NCF2: variants seen among roughly 807,000 people sequenced by gnomAD.
NCF2 encodes neutrophil cytosolic factor 2, also known as neutrophil cytosol factor 2.
Under a neutral mutation model 70.9 loss-of-function variants are expected in NCF2, and 45 were observed. The ratio of observed to expected loss-of-function variants is 0.63; its 90% CI spans 0.50 to 0.81. The LOEUF (loss-of-function observed/expected upper bound fraction) is 0.81, where lower values mean the gene tolerates loss of function less well. NCF2 is among the 40% of genes least tolerant of loss of function. NCF2 has a pLI of 0.00. For missense variants in NCF2, 522 were observed against 631.6 expected (o/e 0.83, Z 1.86); for synonymous variants, 203 against 233.6 (o/e 0.87, Z 1.19).
chr1:183,601,750 C>A, the NCF2 span, among the ~76,000 whole-genome samples: 1 of 151,564 alleles, frequency 6.6e-6, no homozygotes, highest in African/African-American at 2.4e-5. Flanking sequence ...CTCACCTACT[C>A]TGGAGGCTGA....
the NCF2 span, among the ~76,000 whole-genome samples, chr1:183,596,343 A>G: frequency 6.6e-6 from 1 of 151,384 alleles, no homozygotes; most frequent in South Asian, 2.1e-4. Flanking sequence ...TCATATTTGT[A>G]CCCTTTACAC....
At chr1:183,566,484 T>C (rs1230147436) in intron 9 of NCF2, among the ~76,000 whole-genome samples, 1 of 152,212 alleles carries the variant, frequency 6.6e-6, no homozygotes, top group Non-Finnish European at 1.5e-5. Context: ...GTTCAAGTGA[T>C]CCTCTCACCT....
At chr1:183,573,101 C>A (rs577230085) in intron 5 of NCF2, 84 bp downstream of exon 5, 2 of 1,241,696 alleles carry the variant, frequency 1.6e-6, no homozygotes, top group Non-Finnish European at 2.4e-6. Context: ...AAGGAGGCTA[C>A]CCTCTTCTCA....
upstream of NCF2, among the ~76,000 whole-genome samples, chr1:183,593,803 G>A (rs1038331212): frequency 3.3e-5 from 5 of 152,084 alleles, no homozygotes; most frequent in African/African-American, 7.2e-5. Context: ...CTGTCCATTC[G>A]CCTTCCTCCT....
chr1:183,579,141 G>A (rs1434523675), intron 2 of NCF2, among the ~76,000 whole-genome samples: 1 of 152,244 alleles, frequency 6.6e-6, no homozygotes, highest in African/African-American at 2.4e-5. Context: ...GCAGTGTGAT[G>A]TAGTAAAGGG....
intron 3 of NCF2, among the ~76,000 whole-genome samples, chr1:183,576,446 T>C (rs1209644029): frequency 2.6e-5 from 4 of 152,226 alleles, no homozygotes. Flanking sequence ...TTTTAGGTTG[T>C]CACATTGGGT....
chr1:183,599,528 T>C, the NCF2 span, among the ~76,000 whole-genome samples: 1 of 148,548 alleles, frequency 6.7e-6, no homozygotes, highest in Non-Finnish European at 1.5e-5. Context: ...TCTTTCTCTC[T>C]CTTTCTTTCT....
intron 10 of NCF2, among the ~76,000 whole-genome samples, chr1:183,564,627 C>T (rs1425291514): frequency 3.3e-5 from 5 of 152,052 alleles, no homozygotes; most frequent in Non-Finnish European, 5.9e-5. Context: ...TACAAATTCC[C>T]GAGCCCCATT....
intron 3 of NCF2, among the ~76,000 whole-genome samples, chr1:183,575,290 A>T (rs1227607878): frequency 3.3e-5 from 5 of 152,194 alleles, no homozygotes; most frequent in East Asian, 1.9e-4. Flanking sequence ...GCCAACATGG[A>T]GAAACCCTGT....
At chr1:183,596,746 A>G in the NCF2 span, among the ~76,000 whole-genome samples, 1 of 152,156 alleles carries the variant, frequency 6.6e-6, no homozygotes, top group Non-Finnish European at 1.5e-5. Flanking sequence ...CATCTTAAAA[A>G]AAAAAAAAAA....
Position 183,570,682 on chromosome 1 carries a change from T to C in NCF2, c.669+98A>G, listed in dbSNP as rs542467571. 2.3e-6 allele frequency: 3 copies of C among 1,299,888 alleles called. No homozygotes were observed. In the South Asian group the frequency reaches 3.7e-5, roughly 16 times the overall value. 80.5% of individuals were successfully genotyped at this position (1,299,888 alleles called of 1,614,324 possible). A position where few individuals can be genotyped will look rare whatever the true frequency, so the allele number is the denominator to read the frequency against. On this transcript the variant is annotated intron_variant, in intron 6 of 14. Transcript: ENST00000367535. ...ACTGAGGGCCACTTGAAGGAGCCCT[T>C]ACAATCAGGCAACTCAGCACACATA...
At chr1:183,558,833 G>A (rs554009769) in intron 14 of NCF2, among the ~76,000 whole-genome samples, 7 of 152,170 alleles carry the variant, frequency 4.6e-5, no homozygotes, top group African/African-American at 1.4e-4. Flanking sequence ...CAAAGTGCTG[G>A]GATTACAGGT....
intron 2 of NCF2, among the ~76,000 whole-genome samples, chr1:183,584,920 G>A (rs1673274712): frequency 6.6e-6 from 1 of 151,874 alleles, no homozygotes; most frequent in Admixed American, 6.6e-5. Flanking sequence ...AATTTATAAA[G>A]TCACAATAAA....
chr1:183,575,594 G>T (rs758862027), intron 3 of NCF2, among the ~76,000 whole-genome samples: 1 of 152,134 alleles, frequency 6.6e-6, no homozygotes, highest in Non-Finnish European at 1.5e-5. Flanking sequence ...AAAATGGCCC[G>T]ACTGAAATAA....
chr1:183,571,909 G>A (rs1386526797), intron 5 of NCF2, among the ~76,000 whole-genome samples: 3 of 152,164 alleles, frequency 2.0e-5, no homozygotes, highest in Non-Finnish European at 4.4e-5. Context: ...GTCCATCCAT[G>A]TTGTATCATG....
At chr1:183,556,295 A>G (rs1671778806) in intron 14 of NCF2, 65 bp from the exon 15 acceptor site, 2 of 1,404,534 alleles carry the variant, frequency 1.4e-6, no homozygotes, top group Non-Finnish European at 1.0e-6. Context: ...CTGTCTGGCT[A>G]TTCCACACAG....
chr1:183,591,155 A>C (rs867171470), upstream of NCF2, among the ~76,000 whole-genome samples: 2 of 152,198 alleles, frequency 1.3e-5, no homozygotes, highest in African/African-American at 4.8e-5. Flanking sequence ...CTCCCCACCC[A>C]GGCCGAGTGG....
rs944766993 is a variant in NCF2 at position 183,588,595 on chromosome 1, T to G, written c.174+1561A>C. Among the ~76,000 whole-genome samples, 6 of 151,928 alleles carry G rather than the reference T, an allele frequency of 3.9e-5. 1 individual carries two copies. The highest frequency in any genetic ancestry group is 2.6e-4 in the Admixed American group (4 of 15,262). ...ATTCAGTTTAAATAAATAATAAAAT[T>G]TATTGCAAATGAAAATAATTAAAAT... On this transcript the variant is annotated intron_variant, in intron 1 of 14. Transcript: ENST00000367535.
intron 10 of NCF2, 121 bp from the exon 11 acceptor site, chr1:183,564,151 T>A: frequency 1.0e-6 from 1 of 978,938 alleles, no homozygotes; most frequent in Non-Finnish European, 1.7e-6. Flanking sequence ...ACCCTTTAAT[T>A]TGTGGGGCAA....
Sources: gnomAD v4.1 joint callset for allele counts (sites outside exome capture counted in the v4.1 genomes callset) on GRCh38, gnomAD v4.1.1 for gene constraint, MANE v1.5 for transcripts, NCBI Gene and HGNC (gene_info 2026-07-23, HGNC 2026-07-21) for gene names.